The following SLC4A5 variants were observed in gnomAD, a reference collection of about 807,000 sequenced individuals.
SLC4A5 encodes the protein electrogenic sodium bicarbonate cotransporter 4.
SLC4A5 carries 96 observed loss-of-function variants against 120.4 expected under a neutral mutation model. The ratio of observed to expected loss-of-function variants is 0.80; its 90% CI spans 0.68 to 0.94. SLC4A5 has a LOEUF of 0.94. SLC4A5 is among the 40% of genes least tolerant of loss of function. SLC4A5 has a pLI of 0.00. For synonymous variants in SLC4A5, 550 were observed against 571.1 expected, an observed-to-expected ratio of 0.96 and a Z score of 0.53; for missense variants, 1,259 against 1,459.5, an observed-to-expected ratio of 0.86 and a Z score of 2.24.
At position 74,239,767 on chromosome 2, in the gene SLC4A5, A is replaced by G. The variant is rs527505519; in HGVS notation, c.2119-232T>C. Among the ~76,000 whole-genome samples, 4 of 138,992 alleles carry G rather than the reference A, an allele frequency of 2.9e-5. No individual in the cohort carries two copies. In the East Asian group the frequency reaches 8.5e-4, roughly 30 times the overall value. The allele number at this position is 138,992 out of a possible 152,430, so 91.2% of individuals were successfully genotyped here. ...GTGTTCTAGGATGCACTGCTGTGCTAGCAAGTAGGAAAAGTGCAGAGGCAG... is the reference window on the plus strand; with the variant it reads ...GTGTTCTAGGATGCACTGCTGTGCTGGCAAGTAGGAAAAGTGCAGAGGCAG... On this transcript the variant is annotated intron_variant, in intron 20 of 30. Coordinates refer to ENST00000394019, the Ensembl canonical transcript of SLC4A5.
intron 5 of SLC4A5, among the ~76,000 whole-genome samples, chr2:74,316,757 G>A (rs1354104271): frequency 6.6e-6 from 1 of 152,166 alleles, no homozygotes; most frequent in Non-Finnish European, 1.5e-5. Flanking sequence ...ACATCTACCA[G>A]CAGATGCTGA....
chr2:74,284,476 G>A lies in SLC4A5; in HGVS notation c.401+1297C>T, dbSNP rs531700649. Among the ~76,000 whole-genome samples the A allele has an allele frequency of 7.4e-4, 54 of 72,998 alleles. 12 individuals carry two copies. In the East Asian group the frequency reaches 0.017, roughly 23 times the overall value. 47.9% of individuals were successfully genotyped at this position (72,998 alleles called of 152,430 possible). Reference sequence around the variant, plus strand: ...ATTACAGGCGTGAGCCACCGCGCCCGGCCTATTCCTTATTTCTAATGAAAG... The same window carrying A: ...ATTACAGGCGTGAGCCACCGCGCCCAGCCTATTCCTTATTTCTAATGAAAG... On this transcript the variant is annotated intron_variant, in intron 8 of 30. Coordinates refer to ENST00000394019, the Ensembl canonical transcript of SLC4A5.
At chr2:74,298,016 G>C (rs922664568) in intron 7 of SLC4A5, among the ~76,000 whole-genome samples, 3 of 152,174 alleles carry the variant, frequency 2.0e-5, no homozygotes, top group African/African-American at 4.8e-5. Context: ...GGAGTCAATA[G>C]ATCTGTTTTT....
intron 4 of SLC4A5, among the ~76,000 whole-genome samples, chr2:74,333,202 C>G (rs957627601): frequency 6.6e-6 from 1 of 152,150 alleles, no homozygotes; most frequent in Non-Finnish European, 1.5e-5. Context: ...AGAAATGCTG[C>G]TAACGTCCTA....
exon 23 of SLC4A5, chr2:74,233,560 T>C (rs1162822847): frequency 9.3e-6 from 15 of 1,611,400 alleles, no homozygotes; most frequent in Non-Finnish European, 1.3e-5. Flanking sequence ...TCAGGCCGCG[T>C]TGGCTGAGTG....
chr2:74,282,038 C>T (rs1186759395), intron 8 of SLC4A5, among the ~76,000 whole-genome samples: 1 of 152,192 alleles, frequency 6.6e-6, no homozygotes, highest in African/African-American at 2.4e-5. Context: ...CCCTGAGTGG[C>T]TCCACTGGCC....
At position 74,252,109 on chromosome 2, in the gene SLC4A5, C is replaced by G. The variant is rs564269446; in HGVS notation, c.1478+70G>C. The G allele has an allele frequency of 5.6e-5, 85 of 1,530,840 alleles. No individual in the cohort carries two copies. In the South Asian group the frequency reaches 9.9e-4, roughly 18 times the overall value. 94.8% of individuals were successfully genotyped at this position (1,530,840 alleles called of 1,614,324 possible). On this transcript the variant is annotated intron_variant, in intron 16 of 30. Coordinates refer to ENST00000394019, the Ensembl canonical transcript of SLC4A5. Reference sequence around the variant, plus strand: ...ACTACAGACCATGGTTGGGAAAAGTCCCTAGAGGGCAGCTGAGAAGGGAGA... The same window carrying G: ...ACTACAGACCATGGTTGGGAAAAGTGCCTAGAGGGCAGCTGAGAAGGGAGA...
At chr2:74,238,041 G>T (rs796661187) in intron 21 of SLC4A5, among the ~76,000 whole-genome samples, 1 of 152,296 alleles carries the variant, frequency 6.6e-6, no homozygotes, top group African/African-American at 2.4e-5. Flanking sequence ...GGCGGAGGTT[G>T]CAGTGAGCCG....
chr2:74,308,032 G>C, intron 6 of SLC4A5: 1 of 526,336 alleles, frequency 1.9e-6, no homozygotes, highest in South Asian at 1.5e-5. Context: ...GAGAGTGAGA[G>C]GAAAGGACTC....
chr2:74,315,764 T>G (rs533977401), intron 5 of SLC4A5, among the ~76,000 whole-genome samples: 9 of 151,950 alleles, frequency 5.9e-5, no homozygotes, highest in African/African-American at 2.2e-4. Context: ...GCCACTGCAT[T>G]ACAGCCTGGG....
chr2:74,269,345 A>G lies in SLC4A5; in HGVS notation c.402-4081T>C, dbSNP rs570470298. On this transcript the variant is annotated intron_variant, in intron 8 of 30. Coordinates refer to ENST00000394019, the Ensembl canonical transcript of SLC4A5. Reference sequence around the variant, plus strand: ...TTCAGCCTCCTGAGTAGCTGGGATTACAGGTGCCTGCCACCAGGCCCGGCT... The same window carrying G: ...TTCAGCCTCCTGAGTAGCTGGGATTGCAGGTGCCTGCCACCAGGCCCGGCT... Among the ~76,000 whole-genome samples the G allele has an allele frequency of 4.6e-5, 7 of 152,028 alleles. No homozygotes were observed. The South Asian group carries it at 1.5e-3, about 32-fold the overall frequency.
rs568357134 is a variant in SLC4A5, at chr2:74,308,024, G to A, written c.80-3344C>T. 23 of 531,628 alleles carry A rather than the reference G, an allele frequency of 4.3e-5. 1 individual carries two copies. In the East Asian group the frequency reaches 1.1e-3, roughly 27 times the overall value. 32.9% of individuals were successfully genotyped at this position (531,628 alleles called of 1,614,324 possible). On this transcript the variant is annotated intron_variant, in intron 6 of 30. Transcript: ENST00000394019. ...TGAAGCTCATGCTGTCCGGGGAGGA[G>A]AGTGAGAGGAAAGGACTCAGGCTTT...
chr2:74,261,739 T>C (rs1671142703), intron 11 of SLC4A5, among the ~76,000 whole-genome samples: 1 of 152,154 alleles, frequency 6.6e-6, no homozygotes, highest in Admixed American at 6.5e-5. Flanking sequence ...CACCCAGTGA[T>C]GGGAATGCTG....
intron 7 of SLC4A5, among the ~76,000 whole-genome samples, chr2:74,293,053 G>A (rs906839890): frequency 6.6e-6 from 1 of 151,410 alleles, no homozygotes; most frequent in Non-Finnish European, 1.5e-5. Flanking sequence ...ACAAGGAAAT[G>A]GAGCTGAGGG....
intron 7 of SLC4A5, among the ~76,000 whole-genome samples, chr2:74,293,080 G>T (rs1672223658): frequency 6.6e-6 from 1 of 151,810 alleles, no homozygotes; most frequent in Admixed American, 6.6e-5. Context: ...AGAGGGGGCA[G>T]GGATGGGGGG....
intron 4 of SLC4A5, among the ~76,000 whole-genome samples, chr2:74,329,673 C>T (rs1228042827): frequency 6.7e-6 from 1 of 149,196 alleles, no homozygotes; most frequent in Non-Finnish European, 1.5e-5. Flanking sequence ...GAGGTGTAGA[C>T]AGAGATGATG....
At chr2:74,252,848 A>G (rs1670835267) in intron 15 of SLC4A5, 126 bp downstream of exon 15, 1 of 1,166,510 alleles carries the variant, frequency 8.6e-7, no homozygotes, top group Non-Finnish European at 1.2e-6. Flanking sequence ...TCAGCATCCC[A>G]AAGTGTTGAG....
At chr2:74,228,457 G>A (rs762995847) in intron 25 of SLC4A5, among the ~76,000 whole-genome samples, 2 of 152,042 alleles carry the variant, frequency 1.3e-5, no homozygotes, top group African/African-American at 2.4e-5. Flanking sequence ...GTGAAACCCC[G>A]TCTCTACTAA....
intron 22 of SLC4A5, among the ~76,000 whole-genome samples, chr2:74,234,060 AAAAC>A (rs199710290): frequency 0.085 from 12,939 of 151,580 alleles, 861 homozygotes; most frequent in East Asian, 0.34. Context: ...TTTGTCTCAA[AAAAC>A]AAACAAACAA....
Sources: gnomAD v4.1 joint callset for allele counts (sites outside exome capture counted in the v4.1 genomes callset) on GRCh38, gnomAD v4.1.1 for gene constraint, MANE v1.5 for transcripts, NCBI Gene and HGNC (gene_info 2026-07-23, HGNC 2026-07-21) for gene names.